The following DPH5 variants were observed in gnomAD, a reference collection of about 807,000 sequenced individuals.
DPH5 encodes diphthine methyl ester synthase.
DPH5 carries 31 observed loss-of-function variants against 31.6 expected under a neutral mutation model. The observed-to-expected ratio is 0.98, with a 90% CI of 0.74 to 1.32. The LOEUF (loss-of-function observed/expected upper bound fraction) is 1.32, where lower values mean the gene tolerates loss of function less well. DPH5 is among the 40% of genes most tolerant of loss of function. DPH5 has a pLI of 0.00. For synonymous variants in DPH5, 120 were observed against 115.0 expected (o/e 1.04, Z -0.28); for missense variants, 309 against 335.7 (o/e 0.92, Z 0.62).
intron 4 of DPH5, among the ~76,000 whole-genome samples, chr1:101,004,971 C>T (rs1168873452): frequency 1.3e-5 from 2 of 152,184 alleles, no homozygotes; most frequent in Non-Finnish European, 2.9e-5. Context: ...TTATTTAGTG[C>T]CAATTCCTGT....
intron 4 of DPH5, among the ~76,000 whole-genome samples, chr1:101,009,515 T>C (rs1659479797): frequency 6.6e-6 from 1 of 152,186 alleles, no homozygotes; most frequent in Admixed American, 6.5e-5. Flanking sequence ...CTCAATTCTC[T>C]TAATAGAAAA....
chr1:101,019,061 T>C (rs1660275702), intron 3 of DPH5, among the ~76,000 whole-genome samples: 2 of 152,160 alleles, frequency 1.3e-5, no homozygotes, highest in African/African-American at 4.8e-5. Context: ...AATAATATAG[T>C]TACAGAGCAT....
intron 4 of DPH5, among the ~76,000 whole-genome samples, chr1:101,010,512 T>C (rs932638610): frequency 6.6e-6 from 1 of 152,230 alleles, no homozygotes; most frequent in African/African-American, 2.4e-5. Context: ...GCATGTTGTT[T>C]CTTTAGAAAA....
At chr1:100,990,661 A>C (rs375425730) in intron 7 of DPH5, 30 bp from the exon 8 acceptor site, 1 of 1,596,152 alleles carries the variant, frequency 6.3e-7, no homozygotes, top group Admixed American at 1.7e-5. Context: ...CTGCTATTCA[A>C]TTCAGCAAAT....
chr1:101,012,510 T>G (rs1218096645), intron 4 of DPH5, among the ~76,000 whole-genome samples: 1 of 152,222 alleles, frequency 6.6e-6, no homozygotes, highest in Non-Finnish European at 1.5e-5. Context: ...GGAACATATT[T>G]TGGCATCATT....
intron 3 of DPH5, among the ~76,000 whole-genome samples, chr1:101,015,928 T>C (rs1419799495): frequency 1.3e-5 from 2 of 152,220 alleles, no homozygotes; most frequent in African/African-American, 4.8e-5. Flanking sequence ...GGATTAGACT[T>C]TAGCTTAAGG....
intron 4 of DPH5, among the ~76,000 whole-genome samples, chr1:101,012,542 T>C (rs1172168331): frequency 6.6e-6 from 1 of 152,222 alleles, no homozygotes; most frequent in East Asian, 1.9e-4. Context: ...TATAGCATTC[T>C]TTGTAGTGCT....
chr1:100,999,926 T>C (rs919484730), intron 5 of DPH5, among the ~76,000 whole-genome samples: 2 of 151,802 alleles, frequency 1.3e-5, no homozygotes, highest in African/African-American at 2.4e-5. Context: ...GGGTGGATCA[T>C]GAGGTCAGGA....
chr1:101,017,198 A>T (rs749921341), intron 3 of DPH5, among the ~76,000 whole-genome samples: 5 of 152,240 alleles, frequency 3.3e-5, no homozygotes, highest in African/African-American at 1.2e-4. Context: ...TTCAATTTTT[A>T]AAAAATGCAA....
intron 5 of DPH5, among the ~76,000 whole-genome samples, chr1:100,997,341 T>C (rs1049993220): frequency 3.9e-5 from 6 of 152,116 alleles, no homozygotes; most frequent in Non-Finnish European, 7.4e-5. Context: ...TCTGAAAAGA[T>C]AAGTGCTGCT....
rs1296343998 is a variant in DPH5, at chr1:101,015,554, G to C, written c.261-1736C>G. Among the ~76,000 whole-genome samples the C allele has an allele frequency of 7.9e-5, 12 of 152,132 alleles. 1 individual carries two copies. The highest frequency in any genetic ancestry group is 1.5e-5 in the Non-Finnish European group (1 of 68,004). ...TTACAGGACCTAGGATTTTCATAAG[G>C]CTATATATATGAGCACTGGCTTCAA... is the stretch of plus-strand genomic sequence containing the variant. On this transcript the variant is annotated intron_variant, in intron 3 of 7. Coordinates refer to ENST00000370109, the MANE Select transcript of DPH5 (RefSeq NM_015958.3).
chr1:101,001,587 A>C lies in DPH5; in HGVS notation c.370T>G (p.Leu124Val). 6.4e-7 allele frequency: 1 copy of C among 1,562,114 alleles called. No homozygotes were observed. The highest frequency in any genetic ancestry group is 1.2e-5 in the South Asian group (1 of 86,676). ...MNAVGCCGLQ[L>V]YKFGETVSIV... ...GAAACTGTCTCTCCAAACTTATATA[A>C]CTAGAAAAAAAAACATTAATTAATG... The change falls in exon 5 of 8, where the codon TTA (leucine) becomes GTA (valine). Residue 124 changes from leucine (L) to valine (V), a missense_variant and splice_region_variant. Transcript: ENST00000370109.
At chr1:101,013,157 G>A (rs1035314822) in intron 4 of DPH5, among the ~76,000 whole-genome samples, 16 of 152,260 alleles carry the variant, frequency 1.1e-4, no homozygotes, top group African/African-American at 3.9e-4. Context: ...TAGTAGCTAA[G>A]ATATAAATGA....
In DPH5 at chr1:100,992,625, T is replaced by C. The variant is rs1291939697; in HGVS notation, c.634+12A>G. ...AGGAATAATATGAGAGCCCTTCTAG[T>C]GTCTTGAGTACCTGGTTCTTCTCCT... On this transcript the variant is annotated intron_variant, in intron 7 of 7. Transcript: ENST00000370109. 1.3e-6 allele frequency: 2 copies of C among 1,597,086 alleles called. No homozygotes were observed. The highest frequency in any genetic ancestry group is 8.6e-7 in the Non-Finnish European group (1 of 1,164,666).
At chr1:101,010,994 T>C (rs1223901921) in intron 4 of DPH5, among the ~76,000 whole-genome samples, 1 of 152,204 alleles carries the variant, frequency 6.6e-6, no homozygotes, top group Admixed American at 6.5e-5. Context: ...AGTCTGAATA[T>C]GAAGCCCAGC....
chr1:100,999,579 A>C (rs1179763240), intron 5 of DPH5, among the ~76,000 whole-genome samples: 2 of 150,842 alleles, frequency 1.3e-5, no homozygotes, highest in Non-Finnish European at 3.0e-5. Context: ...AGTAGCTCAT[A>C]CCTGTAATCC....
intron 5 of DPH5, among the ~76,000 whole-genome samples, chr1:101,000,785 C>T (rs947719433): frequency 3.9e-5 from 6 of 152,266 alleles, no homozygotes; most frequent in Non-Finnish European, 7.4e-5. Context: ...AATTTCAGTG[C>T]CTCTGCTAGA....
At chr1:101,019,076 A>G (rs116804088) in intron 3 of DPH5, among the ~76,000 whole-genome samples, 33 of 152,324 alleles carry the variant, frequency 2.2e-4, no homozygotes, top group Non-Finnish European at 4.3e-4. Context: ...GAGCATATTG[A>G]AATACAGAAT....
At chr1:101,006,185 C>T (rs955136445) in intron 4 of DPH5, among the ~76,000 whole-genome samples, 29 of 152,078 alleles carry the variant, frequency 1.9e-4, no homozygotes, top group African/African-American at 6.8e-4. Flanking sequence ...CACAATTGAC[C>T]TCAAAGTCAA....
Sources: allele counts gnomAD v4.1 joint callset (sites outside exome capture counted in the v4.1 genomes callset), GRCh38; gene constraint gnomAD v4.1.1; transcripts MANE v1.5; gene names NCBI Gene and HGNC (gene_info 2026-07-23, HGNC 2026-07-21).